The following CEACAM5 variants were observed in gnomAD, a reference collection of about 807,000 sequenced individuals.
CEACAM5 encodes CEA cell adhesion molecule 5.
CEACAM5 carries 52 observed loss-of-function variants against 63.0 expected under a neutral mutation model. That is an observed-to-expected ratio of 0.83 (90% CI 0.66 to 1.04). The LOEUF (loss-of-function observed/expected upper bound fraction) is 1.04. Ranked by LOEUF, CEACAM5 falls within the 50% of genes least tolerant of loss-of-function variation. CEACAM5 has a pLI of 0.00. For missense variants in CEACAM5, 790 were observed against 864.8 expected (o/e 0.91, Z 1.08); for synonymous variants, 357 against 351.3 (o/e 1.02, Z -0.18).
chr19:41,714,038 A>T (rs1317767560), intron 2 of CEACAM5, among the ~76,000 whole-genome samples: 1 of 152,042 alleles, frequency 6.6e-6, no homozygotes, highest in Non-Finnish European at 1.5e-5. Flanking sequence ...AATATGGTGA[A>T]ACCCCATCTC....
chr19:41,728,680 A>C (rs1401531607), intron 9 of CEACAM5, among the ~76,000 whole-genome samples: 2 of 151,548 alleles, frequency 1.3e-5, no homozygotes, highest in Non-Finnish European at 2.9e-5. Context: ...CCAGCTACTC[A>C]GAAGGCTGAG....
At chr19:41,728,588 C>G (rs1555817424) in intron 9 of CEACAM5, among the ~76,000 whole-genome samples, 1 of 151,996 alleles carries the variant, frequency 6.6e-6, no homozygotes, top group East Asian at 1.9e-4. Flanking sequence ...AGTTCAAGAC[C>G]AGCCTGACCA....
Position 41,715,792 on chromosome 19 carries a change from A to G in CEACAM5, c.846A>G (p.Gln282=), listed in dbSNP as rs1555814948. Residue 282 remains glutamine, a synonymous_variant, in exon 4 of 10, where the codon CAA becomes CAG. Transcript: ENST00000221992. Reference sequence around the variant, plus strand: ...ATGGGACTTTCCAGCAATCCACCCAAGAGCTCTTTATCCCCAACATCACTG... The same window carrying G: ...ATGGGACTTTCCAGCAATCCACCCAGGAGCTCTTTATCCCCAACATCACTG... ...FVNGTFQQST[Q]ELFIPNITVN... The G allele has an allele frequency of 1.2e-6, 2 of 1,614,162 alleles. No individual in the cohort carries two copies. The highest frequency in any genetic ancestry group is 4.5e-5 in the East Asian group (2 of 44,886).
At chr19:41,717,122 G>T (rs1555815150) in intron 4 of CEACAM5, among the ~76,000 whole-genome samples, 1 of 152,246 alleles carries the variant, frequency 6.6e-6, no homozygotes, top group Non-Finnish European at 1.5e-5. Flanking sequence ...AATTCCAGGT[G>T]AGGACCCCAA....
chr19:41,720,938 C>A lies in CEACAM5; in HGVS notation c.1788C>A (p.Pro596=). The A allele has an allele frequency of 6.2e-7, 1 of 1,614,090 alleles. No homozygotes were observed. The highest frequency in any genetic ancestry group is 1.1e-5 in the South Asian group (1 of 91,076). The stretch of plus-strand genomic sequence containing the variant: ...TTGTTCCAGATGGGCCGGACACCCC[C>A]ATCATTTCCCCCCCAGACTCGTCTT... ...TLDVLYGPDT[P]IISPPDSSYL... is the part of the protein sequence containing the mutation. The change falls in exon 8 of 10, where the codon CCC becomes CCA. Residue 596 remains proline, a synonymous_variant. Coordinates refer to ENST00000221992, the MANE Select transcript of CEACAM5 (RefSeq NM_004363.6).
rs782764034 is a variant in CEACAM5, at chr19:41,720,965, C to T, written c.1815C>T (p.Tyr605=). 4 of 1,614,076 alleles carry T rather than the reference C, an allele frequency of 2.5e-6. No individual in the cohort carries two copies. Among genetic ancestry groups the T allele is most frequent in the East Asian group, 4.5e-5 (2 of 44,880 alleles). The part of the protein sequence containing the change: ...TPIISPPDSS[Y]LSGANLNLSC... ...TCATTTCCCCCCCAGACTCGTCTTACCTTTCGGGAGCGAACCTCAACCTCT... is the reference window on the plus strand; with the variant it reads ...TCATTTCCCCCCCAGACTCGTCTTATCTTTCGGGAGCGAACCTCAACCTCT... Residue 605 remains tyrosine (Y), a synonymous_variant, in exon 8 of 10, where the codon TAC becomes TAT. Coordinates refer to ENST00000221992, the MANE Select transcript of CEACAM5 (RefSeq NM_004363.6).
At chr19:41,721,882 C>T (rs564553042) in intron 8 of CEACAM5, among the ~76,000 whole-genome samples, 43 of 152,226 alleles carry the variant, frequency 2.8e-4, no homozygotes, top group Non-Finnish European at 5.4e-4. Flanking sequence ...CTGTATGAGG[C>T]TGTGGACACA....
intron 2 of CEACAM5, among the ~76,000 whole-genome samples, chr19:41,710,775 G>A (rs1220595390): frequency 6.6e-6 from 1 of 152,210 alleles, no homozygotes; most frequent in Non-Finnish European, 1.5e-5. Flanking sequence ...GTCCACCAGG[G>A]ATCAGGCCCA....
chr19:41,718,302 A>T lies in CEACAM5; in HGVS notation c.1412A>T (p.Asn471Ile). Residue 471 changes from asparagine (N) to isoleucine (I), a missense_variant, in exon 6 of 10, where the codon AAC (asparagine) becomes ATC (isoleucine). Asn to Ile is a moderately radical substitution (Grantham distance 149, BLOSUM62 -3). Coordinates refer to ENST00000221992, the MANE Select transcript of CEACAM5 (RefSeq NM_004363.6). ...ELFISNITEK[N>I]SGLYTCQANN... is the part of the protein sequence containing the mutation. Reference sequence around the variant, plus strand: ...TTTATCTCCAACATCACTGAGAAGAACAGCGGACTCTATACCTGCCAGGCC... The same window carrying T: ...TTTATCTCCAACATCACTGAGAAGATCAGCGGACTCTATACCTGCCAGGCC... 6.2e-7 allele frequency: 1 copy of T among 1,614,184 alleles called. No homozygotes were observed. The highest frequency in any genetic ancestry group is 2.2e-5 in the East Asian group (1 of 44,890).
Position 41,708,675 on chromosome 19 carries a change from C to T in CEACAM5, c.-57C>T, listed in dbSNP as rs971363260. 23 of 1,516,706 alleles carry T rather than the reference C, an allele frequency of 1.5e-5. No individual in the cohort carries two copies. Among genetic ancestry groups the T allele is most frequent in the Admixed American group, 1.8e-5 (1 of 54,664 alleles). 94.0% of individuals were successfully genotyped at this position (1,516,706 alleles called of 1,614,324 possible). A position where few individuals can be genotyped will look rare whatever the true frequency, so the allele number is the denominator to read the frequency against. ...GACAGTCACAGCAGCCTTGACAAAA[C>T]GTTCCTGGAACTCAAGCTCTTCTCC... is the stretch of plus-strand genomic sequence containing the variant. On this transcript the variant is annotated 5_prime_UTR_variant, in exon 1 of 10. The change creates a new upstream start codon in the 5' untranslated region. Transcript: ENST00000221992.
rs145917024 is a variant in CEACAM5 at position 41,717,229 on chromosome 19, T to C, written c.959-226T>C. Among the ~76,000 whole-genome samples the C allele has an allele frequency of 2.1e-3, 313 of 152,340 alleles. 1 individual carries two copies. Among genetic ancestry groups the C allele is most frequent in the African/African-American group, 7.4e-3 (306 of 41,578 alleles). ...TCCACAACCCAATGCTACTGCCCAATTCACACTTGAGAAAGTCTGTGCTTC... is the reference window on the plus strand; with the variant it reads ...TCCACAACCCAATGCTACTGCCCAACTCACACTTGAGAAAGTCTGTGCTTC... On this transcript the variant is annotated intron_variant, in intron 4 of 9. Coordinates refer to ENST00000221992, the MANE Select transcript of CEACAM5 (RefSeq NM_004363.6).
intron 4 of CEACAM5, 138 bp downstream of exon 4, chr19:41,716,042 C>T (rs2072522127): frequency 1.0e-6 from 1 of 955,810 alleles, no homozygotes; most frequent in African/African-American, 1.6e-5. Flanking sequence ...CCCACTGAAC[C>T]TCCCCAATAT....
rs782555811 is a variant in CEACAM5, at chr19:41,720,977, G to A, written c.1827G>A (p.Ala609=). ...SPPDSSYLSG[A]NLNLSCHSAS... ...CAGACTCGTCTTACCTTTCGGGAGC[G>A]AACCTCAACCTCTCCTGCCACTCGG... Residue 609 remains alanine, a synonymous_variant, in exon 8 of 10, where the codon GCG becomes GCA. Transcript: ENST00000221992. 12 of 1,613,750 alleles carry A rather than the reference G, an allele frequency of 7.4e-6. No individual in the cohort carries two copies. The highest frequency in any genetic ancestry group is 3.3e-5 in the South Asian group (3 of 91,052).
chr19:41,715,323 C>A, intron 3 of CEACAM5, 74 bp downstream of exon 3: 1 of 1,590,496 alleles, frequency 6.3e-7, no homozygotes, highest in Non-Finnish European at 8.6e-7. Context: ...ATTTCTCAGT[C>A]CCTCTCAGGT....
At chr19:41,717,170 G>A (rs151004908) in intron 4 of CEACAM5, among the ~76,000 whole-genome samples, 1 of 152,224 alleles carries the variant, frequency 6.6e-6, no homozygotes, top group African/African-American at 2.4e-5. Context: ...AGGACCAGAA[G>A]TGCTGGGGGC....
chr19:41,711,050 G>A (rs548385555), intron 2 of CEACAM5, among the ~76,000 whole-genome samples: 1 of 152,170 alleles, frequency 6.6e-6, no homozygotes, highest in East Asian at 1.9e-4. Flanking sequence ...CTCAACTGGG[G>A]GTGGGTGGGG....
intron 1 of CEACAM5, among the ~76,000 whole-genome samples, 200 bp from the exon 2 acceptor site, chr19:41,709,480 G>T (rs1003319296): frequency 6.6e-6 from 1 of 151,928 alleles, no homozygotes; most frequent in African/African-American, 2.4e-5. Context: ...ACAGGGAAAT[G>T]CCAAGGTCAG....
chr19:41,721,271 GT>G (rs1237887437), intron 8 of CEACAM5, 95 bp downstream of exon 8: 10 of 1,404,384 alleles, frequency 7.1e-6, no homozygotes, highest in Admixed American at 5.4e-5. Context: ...TTCCCAGTCT[GT>G]GTTCCATGGG....
intron 2 of CEACAM5, among the ~76,000 whole-genome samples, chr19:41,712,527 A>G (rs2072452424): frequency 6.6e-6 from 1 of 152,196 alleles, no homozygotes. Flanking sequence ...TAAATTTACT[A>G]ACATCACACA....
Sources: gnomAD v4.1 joint callset for allele counts (sites outside exome capture counted in the v4.1 genomes callset) on GRCh38, gnomAD v4.1.1 for gene constraint, MANE v1.5 for transcripts, NCBI Gene and HGNC (gene_info 2026-07-23, HGNC 2026-07-21) for gene names.